Variants in SP140 observed in about 807,000 individuals in gnomAD.
SP140 encodes the protein SP140 nuclear body protein, also known as nuclear body protein SP140.
A neutral mutation model predicts 125.0 loss-of-function variants in SP140; 81 were observed. That is an observed-to-expected ratio of 0.65 (90% CI 0.54 to 0.78). The LOEUF is 0.78. SP140 is among the 30% of genes least tolerant of loss of function. The pLI, the probability that SP140 is intolerant of heterozygous loss-of-function variation, is 0.00. For missense variants in SP140, 858 were observed against 1,037.0 expected, an observed-to-expected ratio of 0.83 and a Z score of 2.37; for synonymous variants, 312 against 354.0, an observed-to-expected ratio of 0.88 and a Z score of 1.33.
chr2:230,285,914 CTTAA>C, intron 17 of SP140, 82 bp downstream of exon 17: 1 of 1,056,844 alleles, frequency 9.5e-7, no homozygotes, highest in Non-Finnish European at 1.5e-6. Flanking sequence ...CTAGATCCAC[CTTAA>C]TTGTTTACTC....
In SP140 at chr2:230,307,826, T is replaced by C. The variant is rs555550801; in HGVS notation, c.2059-2098T>C. Among the ~76,000 whole-genome samples the C allele has an allele frequency of 6.6e-5, 10 of 151,586 alleles. No individual in the cohort carries two copies. The South Asian group carries it at 1.7e-3, about 25-fold the overall frequency. ...GGAGCCCAGTGGGCCTGAGCAAAAC[T>C]CAGGCAAAGGCACAACTGCTTACAG... On this transcript the variant is annotated intron_variant, in intron 22 of 26. Coordinates refer to ENST00000392045, the MANE Select transcript of SP140 (RefSeq NM_007237.5).
At chr2:230,218,469 A>G (rs145074513) in intron 3 of SP140, among the ~76,000 whole-genome samples, 2 of 152,344 alleles carry the variant, frequency 1.3e-5, no homozygotes, top group East Asian at 1.9e-4. Flanking sequence ...ACTATCCACA[A>G]TATGCACAGG....
At chr2:230,254,898 A>C (rs186206773) in intron 11 of SP140, among the ~76,000 whole-genome samples, 47 of 152,210 alleles carry the variant, frequency 3.1e-4, no homozygotes, top group Admixed American at 1.0e-3. Context: ...TGGGCCCTTG[A>C]GCCACACTTC....
At chr2:230,258,898 CT>C (rs1169674950) in intron 12 of SP140, among the ~76,000 whole-genome samples, 128 of 147,490 alleles carry the variant, frequency 8.7e-4, no homozygotes, top group African/African-American at 2.0e-3. Flanking sequence ...GCAAGCTGCA[CT>C]TTTTTTTTTT....
intron 15 of SP140, among the ~76,000 whole-genome samples, chr2:230,282,806 A>G (rs1039108873): frequency 7.9e-5 from 12 of 152,216 alleles, no homozygotes; most frequent in Non-Finnish European, 1.6e-4. Context: ...AGTGTATACA[A>G]TTGTTGGGCT....
chr2:230,245,831 A>C, intron 6 of SP140, 32 bp from the exon 7 acceptor site: 1 of 1,459,248 alleles, frequency 6.9e-7, no homozygotes, highest in Non-Finnish European at 9.6e-7. Flanking sequence ...GTCACTGCCA[A>C]TTGTCTGTCA....
chr2:230,210,026 A>G, intron 1 of SP140: 3 of 1,460,564 alleles, frequency 2.1e-6, no homozygotes, highest in Non-Finnish European at 2.9e-6. Flanking sequence ...AAGAAATATA[A>G]GTCATTTCAG....
intron 7 of SP140, among the ~76,000 whole-genome samples, chr2:230,247,583 A>G (rs895127058): frequency 2.6e-5 from 4 of 152,078 alleles, no homozygotes; most frequent in Non-Finnish European, 4.4e-5. Context: ...ATTCTTTCCA[A>G]CTCAAACAAC....
the SP140 span, among the ~76,000 whole-genome samples, chr2:230,192,874 T>C: frequency 0.02 from 3,081 of 152,352 alleles, 116 homozygotes; most frequent in African/African-American, 0.067. Context: ...CCATTTGTTC[T>C]AGAGTGTAGT....
chr2:230,250,280 C>T (rs35857956), intron 9 of SP140, among the ~76,000 whole-genome samples: 23,188 of 152,122 alleles, frequency 0.15, 1,873 homozygotes, highest in Middle Eastern at 0.22. Context: ...GTGATCTTTG[C>T]TGCACAGGAT....
chr2:230,202,813 A>C, upstream of SP140: 24 of 1,294,506 alleles, frequency 1.9e-5, no homozygotes, highest in South Asian at 2.4e-5. Context: ...TTCCCTTCTC[A>C]TGCCCCTAAC....
In SP140 at chr2:230,211,267, T is replaced by C. The variant is rs142168070; in HGVS notation, c.-322-2387T>C. Among the ~76,000 whole-genome samples, 358 of 152,262 alleles carry C rather than the reference T, an allele frequency of 2.4e-3. No homozygotes were observed. Among genetic ancestry groups the C allele is most frequent in the African/African-American group, 8.4e-3 (349 of 41,556 alleles). ...CTACCTTTTCCAGACTTGCCTCCTT[T>C]GCCCTCCCCCAGGGACTCTGTATCC... On this transcript the variant is annotated intron_variant, in intron 1 of 4. Coordinates refer to the SP140 transcript ENST00000456542. This position sits in a 1 kb window ranked among gnomAD's most constrained non-coding sequence, Gnocchi z 4.2.
chr2:230,249,550 T>C (rs2050038506), intron 9 of SP140, among the ~76,000 whole-genome samples: 1 of 151,840 alleles, frequency 6.6e-6, no homozygotes, highest in South Asian at 2.1e-4. Flanking sequence ...TCTAGGAGCA[T>C]AAGATAAAAC....
chr2:230,236,443 A>G (rs2048024481), intron 1 of SP140, among the ~76,000 whole-genome samples: 1 of 152,210 alleles, frequency 6.6e-6, no homozygotes, highest in Non-Finnish European at 1.5e-5. Context: ...ACAGAGAAAG[A>G]GATTTGTTAT....
chr2:230,257,650 C>T (rs570107307), intron 12 of SP140, among the ~76,000 whole-genome samples: 1 of 152,272 alleles, frequency 6.6e-6, no homozygotes, highest in East Asian at 1.9e-4. Context: ...ACCTGTAGTC[C>T]CAGCTACTCG....
rs749855500 is a variant in SP140, at chr2:230,237,216, A to T, written c.193A>T (p.Met65Leu). The T allele has an allele frequency of 6.2e-7, 1 of 1,612,050 alleles. No individual in the cohort carries two copies. The highest frequency in any genetic ancestry group is 1.7e-5 in the Admixed American group (1 of 59,076). Reference sequence around the variant, plus strand: ...AATAACAAGGCCATTTCCTTTCCTTATGGGCCTCCGAGACCGCTCCTTCAT... The same window carrying T: ...AATAACAAGGCCATTTCCTTTCCTTTTGGGCCTCCGAGACCGCTCCTTCAT... The part of the protein sequence containing the change: ...SAITRPFPFL[M>L]GLRDRSFISE... The change falls in exon 2 of 27, where the codon ATG becomes TTG. Residue 65 changes from methionine (M) to leucine (L), a missense_variant. Around this residue, in one of 4 missense-constraint regions of SP140, gnomAD observed 791 missense variants for 869.5 expected, o/e 0.91. Transcript: ENST00000392045. This position sits in a 1 kb window ranked among gnomAD's most constrained non-coding sequence, Gnocchi z 5.4.
upstream of SP140, among the ~76,000 whole-genome samples, chr2:230,220,821 T>A (rs1381784394): frequency 6.6e-6 from 1 of 152,020 alleles, no homozygotes; most frequent in South Asian, 2.1e-4. Context: ...CTGGGCAACA[T>A]AGTGAGACCC....
chr2:230,313,444 C>G (rs368100161), downstream of SP140, among the ~76,000 whole-genome samples: 1 of 152,190 alleles, frequency 6.6e-6, no homozygotes, highest in Non-Finnish European at 1.5e-5. Context: ...GGAAGTGACA[C>G]CCCGTGGCCT....
intron 22 of SP140, among the ~76,000 whole-genome samples, chr2:230,304,828 C>T (rs1219068259): frequency 6.6e-6 from 1 of 152,172 alleles, no homozygotes; most frequent in African/African-American, 2.4e-5. Flanking sequence ...ATTGGAAAAA[C>T]TCTTCTAGGC....
Sources: allele counts gnomAD v4.1 joint callset (sites outside exome capture counted in the v4.1 genomes callset), GRCh38; gene constraint gnomAD v4.1.1; regional missense constraint gnomAD v4.1.1; non-coding constraint Gnocchi (gnomAD v3.1); transcripts MANE v1.5; gene names NCBI Gene and HGNC (gene_info 2026-07-23, HGNC 2026-07-21).